The following VMP1 variants were observed in gnomAD, a reference collection of about 807,000 sequenced individuals.
VMP1 encodes vacuole membrane protein 1, also known as ectopic P-granules autophagy protein 3 homolog.
In VMP1, 11 loss-of-function variants were observed where a neutral mutation model predicts 56.0. The observed-to-expected ratio is 0.20, with a 90% confidence interval of 0.12 to 0.32. VMP1 has a LOEUF of 0.32. VMP1 is among the 10% of genes least tolerant of loss of function. The probability of loss-of-function intolerance (pLI) is 1.00; values close to 1 mark genes in which losing one functional copy is unlikely to be tolerated. For missense variants in VMP1, 296 were observed against 490.3 expected (o/e 0.60, Z 3.74); for synonymous variants, 149 against 165.0 (o/e 0.90, Z 0.74).
intron 5 of VMP1, among the ~76,000 whole-genome samples, chr17:59,751,020 C>T (rs1342114587): frequency 1.3e-5 from 2 of 150,482 alleles, no homozygotes; most frequent in Admixed American, 6.7e-5. Context: ...GCAAACCCCG[C>T]CTCCTGGGTT....
rs901613970 is a variant in VMP1 at position 59,842,243 on chromosome 17, G to A, written c.*2332G>A. The A allele has an allele frequency of 6.6e-6, 1 of 152,198 alleles. No individual in the cohort carries two copies. The highest frequency in any genetic ancestry group is 6.5e-5 in the Admixed American group (1 of 15,282). 9.4% of individuals were successfully genotyped at this position (152,198 alleles called of 1,614,324 possible). ...AAAAAGAGGGCCTGGGAATTCTTGC[G>A]ATTCCATCTCTACTTTGTATAAGTC... On this transcript the variant is annotated 3_prime_UTR_variant, in exon 12 of 12. Transcript: ENST00000262291.
intron 4 of VMP1, among the ~76,000 whole-genome samples, 156 bp from the exon 5 acceptor site, chr17:59,738,681 G>A (rs543092757): frequency 9.2e-5 from 14 of 152,070 alleles, no homozygotes; most frequent in Non-Finnish European, 1.8e-4. Context: ...TTGCCATTGT[G>A]TATTAAAGAA....
At chr17:59,795,631 GA>G (rs2037412638) in intron 7 of VMP1, among the ~76,000 whole-genome samples, 1 of 151,546 alleles carries the variant, frequency 6.6e-6, no homozygotes, top group Non-Finnish European at 1.5e-5. Flanking sequence ...GCAACATGGT[GA>G]AATCCTCTCT....
chr17:59,735,545 T>C (rs781215951), intron 3 of VMP1, 72 bp downstream of exon 3: 7 of 1,534,632 alleles, frequency 4.6e-6, no homozygotes, highest in Non-Finnish European at 6.3e-6. Context: ...AGTAATCTCT[T>C]ACTTTCTGCC....
chr17:59,809,818 T>C (rs1279738450), intron 8 of VMP1, among the ~76,000 whole-genome samples: 5 of 152,080 alleles, frequency 3.3e-5, no homozygotes, highest in African/African-American at 4.8e-5. Context: ...ATTCAACTTA[T>C]TAAATGAGCT....
chr17:59,763,430 C>A (rs908483184), intron 5 of VMP1, among the ~76,000 whole-genome samples: 4 of 151,840 alleles, frequency 2.6e-5, no homozygotes, highest in Non-Finnish European at 4.4e-5. Flanking sequence ...TCTGCATTTC[C>A]AAGAATTAAA....
intron 11 of VMP1, 75 bp downstream of exon 11, chr17:59,838,472 A>G (rs2039055886): frequency 6.9e-7 from 1 of 1,457,100 alleles, no homozygotes. Context: ...TCTCACTCAC[A>G]TTTTTAGGCA....
At chr17:59,773,231 AT>A (rs1312431527) in intron 6 of VMP1, among the ~76,000 whole-genome samples, 1 of 151,598 alleles carries the variant, frequency 6.6e-6, no homozygotes, top group Non-Finnish European at 1.5e-5. Flanking sequence ...AAGTGCTGGG[AT>A]TACAGGCGTG....
At chr17:59,839,573 A>G (rs2039091847) in intron 11 of VMP1, 195 bp from the exon 12 acceptor site, 1 of 636,572 alleles carries the variant, frequency 1.6e-6, no homozygotes, top group African/African-American at 1.9e-5. Context: ...TTTACATCCA[A>G]CAAAGTGAAA....
At chr17:59,765,574 A>G (rs1035013118) in intron 6 of VMP1, among the ~76,000 whole-genome samples, 3 of 152,258 alleles carry the variant, frequency 2.0e-5, no homozygotes, top group Non-Finnish European at 2.9e-5. Context: ...GTGTTAATAC[A>G]GTATTGTATA....
intron 7 of VMP1, among the ~76,000 whole-genome samples, chr17:59,787,178 A>G (rs2037034728): frequency 6.6e-6 from 1 of 152,214 alleles, no homozygotes; most frequent in Non-Finnish European, 1.5e-5. Context: ...AAGAAAAGGT[A>G]GCACTTAGAG....
intron 5 of VMP1, among the ~76,000 whole-genome samples, chr17:59,750,926 C>CTTTTTTTTTTT (rs35948198): frequency 5.5e-5 from 5 of 91,008 alleles, no homozygotes; most frequent in Non-Finnish European, 8.0e-5. Context: ...AAGATAGCAC[C>CTTTTTTTTTTT]TTTTTTTTTT....
intron 10 of VMP1, among the ~76,000 whole-genome samples, chr17:59,818,860 G>C (rs879861597): frequency 7.9e-5 from 12 of 152,256 alleles, no homozygotes; most frequent in South Asian, 2.1e-4. Context: ...CGGGGGAAAT[G>C]TGTCAAGTTT....
intron 7 of VMP1, among the ~76,000 whole-genome samples, chr17:59,806,285 T>C (rs12449331): frequency 0.42 from 64,087 of 152,044 alleles, 15,414 homozygotes; most frequent in Non-Finnish European, 0.54. Context: ...AACTGATTGA[T>C]TATATATTCT....
intron 7 of VMP1, among the ~76,000 whole-genome samples, chr17:59,805,062 T>C (rs1157377859): frequency 2.0e-5 from 3 of 152,172 alleles, no homozygotes; most frequent in Admixed American, 6.5e-5. Context: ...AGCTCTCCAT[T>C]AAAAAGGCAC....
chr17:59,777,698 C>G (rs982910599), intron 7 of VMP1, among the ~76,000 whole-genome samples: 1 of 152,026 alleles, frequency 6.6e-6, no homozygotes, highest in African/African-American at 2.4e-5. Context: ...CCTGTAGTCC[C>G]AGCTGCTTGG....
At chr17:59,783,008 A>G (rs2036880112) in intron 7 of VMP1, among the ~76,000 whole-genome samples, 1 of 152,094 alleles carries the variant, frequency 6.6e-6, no homozygotes. Context: ...ATCCTGGCTG[A>G]CATGGTGAAA....
chr17:59,780,677 C>G (rs1444933308), intron 7 of VMP1, among the ~76,000 whole-genome samples: 1 of 152,084 alleles, frequency 6.6e-6, no homozygotes, highest in Non-Finnish European at 1.5e-5. Context: ...ACCTCTGCCT[C>G]CTGGGTTAAA....
chr17:59,796,856 A>G (rs1363473886), intron 7 of VMP1, among the ~76,000 whole-genome samples: 1 of 152,156 alleles, frequency 6.6e-6, no homozygotes, highest in Non-Finnish European at 1.5e-5. Flanking sequence ...AATTTGATTG[A>G]CAGTCACTTT....
Sources: gnomAD v4.1 joint callset for allele counts (sites outside exome capture counted in the v4.1 genomes callset) on GRCh38, gnomAD v4.1.1 for gene constraint, MANE v1.5 for transcripts, NCBI Gene and HGNC (gene_info 2026-07-23, HGNC 2026-07-21) for gene names.